The following TP63 variants were observed in gnomAD, a reference collection of about 807,000 sequenced individuals.
TP63 encodes tumor protein p63.
In TP63, 17 loss-of-function variants were observed where a neutral mutation model predicts 82.8. The ratio of observed to expected loss-of-function variants is 0.21; its 90% CI spans 0.14 to 0.31. The LOEUF is 0.31. Ranked by LOEUF, TP63 falls within the 10% of genes least tolerant of loss-of-function variation. TP63 has a pLI of 1.00. For synonymous variants in TP63, 330 were observed against 321.7 expected, an observed-to-expected ratio of 1.03 and a Z score of -0.28; for missense variants, 648 against 895.3, an observed-to-expected ratio of 0.72 and a Z score of 3.52.
intron 1 of TP63, among the ~76,000 whole-genome samples, chr3:189,638,116 A>G (rs1711515495): frequency 6.6e-6 from 1 of 152,136 alleles, no homozygotes; most frequent in Admixed American, 6.6e-5. Context: ...GCAGAACGGC[A>G]AGATACTAAC....
Position 189,651,993 on chromosome 3 carries a change from G to A in TP63, c.62+20416G>A, listed in dbSNP as rs186452191. 7.6e-4 allele frequency among the ~76,000 whole-genome samples: 112 copies of A among 147,158 alleles called. 13 individuals carry two copies. The highest frequency in any genetic ancestry group is 1.6e-3 in the South Asian group (7 of 4,460). On this transcript the variant is annotated intron_variant, in intron 1 of 13. Transcript: ENST00000264731. ...TAGATTTAAGAGGACGTGTGGAAAC[G>A]CCTGGATGTCCGAGCAGAAGTTTGC...
chr3:189,687,781 A>G (rs535482933), intron 1 of TP63, among the ~76,000 whole-genome samples: 10 of 152,280 alleles, frequency 6.6e-5, no homozygotes, highest in African/African-American at 2.4e-4. Context: ...CTTCTCTTCT[A>G]CCATAAACAT....
intron 4 of TP63, among the ~76,000 whole-genome samples, chr3:189,842,339 T>C (rs935436110): frequency 3.3e-5 from 5 of 152,238 alleles, no homozygotes. Context: ...ACAGGAATGT[T>C]TTACAGTGAA....
chr3:189,708,349 A>G lies in TP63; in HGVS notation c.63-29391A>G, dbSNP rs776574872. On this transcript the variant is annotated intron_variant, in intron 1 of 13. Coordinates refer to ENST00000264731, the MANE Select transcript of TP63 (RefSeq NM_003722.5). The stretch of plus-strand genomic sequence containing the variant: ...AACAGTTTCAAAGAAACCACAATCT[A>G]TCTTTGTTTTCTCGTTTGTTTGTTA... Among the ~76,000 whole-genome samples the G allele has an allele frequency of 5.3e-5, 8 of 152,204 alleles. No homozygotes were observed. The East Asian group carries it at 1.5e-3, about 29-fold the overall frequency.
the TP63 span, among the ~76,000 whole-genome samples, chr3:189,625,655 G>A: frequency 6.6e-6 from 1 of 152,088 alleles, no homozygotes; most frequent in Non-Finnish European, 1.5e-5. Flanking sequence ...GAGACATTTA[G>A]AGTAAAGGTG....
chr3:189,726,093 T>C (rs1279056805), intron 1 of TP63, among the ~76,000 whole-genome samples: 5 of 152,066 alleles, frequency 3.3e-5, no homozygotes, highest in Admixed American at 2.6e-4. Flanking sequence ...TCATTGCTAG[T>C]GAATGTTTGG....
chr3:189,797,102 C>T (rs891705653), intron 3 of TP63, among the ~76,000 whole-genome samples: 4 of 152,082 alleles, frequency 2.6e-5, no homozygotes, highest in African/African-American at 9.7e-5. Context: ...ATTGATATTT[C>T]ATGCAAAACT....
rs950273233 is a variant in TP63, at chr3:189,743,816, C to T, written c.324+5042C>T. ...GATCAGCTGGTAGCCTGGAGAGGCT[C>T]CCTAATGTTGGGCAAGGGTAAGTGG... On this transcript the variant is annotated intron_variant, in intron 3 of 13. Transcript: ENST00000264731. Among the ~76,000 whole-genome samples, 5 of 152,118 alleles carry T rather than the reference C, an allele frequency of 3.3e-5. No homozygotes were observed. The East Asian group carries it at 9.6e-4, about 29-fold the overall frequency.
intron 3 of TP63, among the ~76,000 whole-genome samples, chr3:189,801,473 G>A (rs1053933764): frequency 6.6e-6 from 1 of 152,030 alleles, no homozygotes; most frequent in Non-Finnish European, 1.5e-5. Context: ...TCATTTTGTT[G>A]AGTTGTTATG....
intron 4 of TP63, among the ~76,000 whole-genome samples, chr3:189,816,410 G>C (rs1728189008): frequency 6.6e-6 from 1 of 152,094 alleles, no homozygotes; most frequent in Non-Finnish European, 1.5e-5. Context: ...CCCAAATTAG[G>C]TTATTTCCAT....
intron 1 of TP63, among the ~76,000 whole-genome samples, chr3:189,734,628 C>T (rs535071640): frequency 6.6e-6 from 1 of 152,244 alleles, no homozygotes; most frequent in African/African-American, 2.4e-5. Context: ...CACTTAATGT[C>T]TGACCCACTC....
At position 189,775,654 on chromosome 3, in the gene TP63, A is replaced by G. The variant is rs183761371; in HGVS notation, c.325-32618A>G. On this transcript the variant is annotated intron_variant, in intron 3 of 13. Transcript: ENST00000264731. Reference sequence around the variant, plus strand: ...TCTTTTTACTGATATCTAACCTTCTATCTCTCTTTAATTCACACATTTTTA... The same window carrying G: ...TCTTTTTACTGATATCTAACCTTCTGTCTCTCTTTAATTCACACATTTTTA... Among the ~76,000 whole-genome samples, 44 of 152,256 alleles carry G rather than the reference A, an allele frequency of 2.9e-4. No homozygotes were observed. The East Asian group carries it at 6.0e-3, about 21-fold the overall frequency.
chr3:189,691,298 CA>C (rs1716893608), intron 1 of TP63, among the ~76,000 whole-genome samples: 2 of 136,454 alleles, frequency 1.5e-5, no homozygotes. Context: ...GAGATCATGC[CA>C]CTGCACTCCA....
the TP63 span, among the ~76,000 whole-genome samples, chr3:189,606,622 T>C: frequency 8.1e-5 from 12 of 148,988 alleles, no homozygotes; most frequent in African/African-American, 3.0e-4. Context: ...GAAGCAATTA[T>C]CGTGCCTCAG....
chr3:189,808,175 C>T (rs1019493341), intron 3 of TP63, 97 bp from the exon 4 acceptor site: 162 of 1,601,346 alleles, frequency 1.0e-4, no homozygotes, highest in Non-Finnish European at 1.2e-4. Context: ...ACGTGAGGTC[C>T]ATCTCTGTAG....
intron 3 of TP63, among the ~76,000 whole-genome samples, chr3:189,761,481 C>G (rs1442777657): frequency 7.0e-6 from 1 of 142,330 alleles, no homozygotes; most frequent in Non-Finnish European, 1.6e-5. Context: ...CAATTCCCAA[C>G]AAGTTCCTCA....
At chr3:189,818,565 C>T (rs1227959338) in intron 4 of TP63, among the ~76,000 whole-genome samples, 1 of 151,916 alleles carries the variant, frequency 6.6e-6, no homozygotes, top group African/African-American at 2.4e-5. Flanking sequence ...GCCTATGTTT[C>T]TCAAAATTTT....
At chr3:189,767,839 T>C (rs1474586622) in intron 3 of TP63, among the ~76,000 whole-genome samples, 2 of 152,174 alleles carry the variant, frequency 1.3e-5, no homozygotes, top group Admixed American at 1.3e-4. Context: ...TTAGAAGTTT[T>C]GGACCCTGGA....
intron 3 of TP63, among the ~76,000 whole-genome samples, chr3:189,750,794 G>C (rs1398254494): frequency 6.6e-6 from 1 of 151,974 alleles, no homozygotes; most frequent in East Asian, 1.9e-4. Context: ...TATTTGTTTG[G>C]TGTCAAGTGC....
Sources: allele counts gnomAD v4.1 joint callset (sites outside exome capture counted in the v4.1 genomes callset), GRCh38; gene constraint gnomAD v4.1.1; transcripts MANE v1.5; gene names NCBI Gene and HGNC (gene_info 2026-07-23, HGNC 2026-07-21).